The following CDH15 variants were observed in gnomAD, a reference collection of about 807,000 sequenced individuals.
The protein encoded by CDH15 is cadherin 15.
Under a neutral mutation model 69.4 loss-of-function variants are expected in CDH15, and 73 were observed. That is an observed-to-expected ratio of 1.05 (90% CI 0.87 to 1.28). CDH15 has a LOEUF of 1.28. Ranked by LOEUF, CDH15 falls within the 50% of genes most tolerant of loss-of-function variation. CDH15 has a pLI of 0.00. For synonymous variants in CDH15, 624 were observed against 507.7 expected, an observed-to-expected ratio of 1.23 and a Z score of -3.08; for missense variants, 1,343 against 1,133.6, an observed-to-expected ratio of 1.18 and a Z score of -2.65.
Position 89,185,198 on chromosome 16 carries a change from C to G in CDH15, c.528C>G (p.Ala176=). Residue 176 remains alanine, a synonymous_variant, in exon 5 of 14, where the codon GCC becomes GCG. Transcript: ENST00000289746. The part of the protein sequence containing the change: ...VPGTYVTRAE[A]TDADDPETDN... ...GCACCTATGTGACCAGGGCAGAGGC[C>G]ACAGATGCCGACGACCCCGAGACGG... The G allele has an allele frequency of 6.2e-7, 1 of 1,603,202 alleles. No homozygotes were observed. The highest frequency in any genetic ancestry group is 8.5e-7 in the Non-Finnish European group (1 of 1,175,894).
In CDH15 at chr16:89,190,354, G is replaced by C. The variant is rs145156521; in HGVS notation, c.1090G>C (p.Val364Leu). 5.3e-5 allele frequency: 85 copies of C among 1,612,784 alleles called. No individual in the cohort carries two copies. The Middle Eastern group carries it at 6.6e-4, about 13-fold the overall frequency. The change falls in exon 8 of 14, where the codon GTG becomes CTG. Residue 364 changes from valine to leucine, a missense_variant. By Grantham distance (32) the Val-to-Leu change is conservative. Transcript: ENST00000289746. ...TGAGCGGGGCCAGGCCAAGGTCCGC[G>C]TGCATGTGCAGGACACCAACGAGCC... ...RAERGQAKVR[V>L]HVQDTNEPPV...
intron 5 of CDH15, chr16:89,185,647 CCTT>C (rs1238512724): frequency 6.6e-6 from 3 of 453,920 alleles, no homozygotes; most frequent in African/African-American, 4.0e-5. Flanking sequence ...GTAACTAACT[CCTT>C]CTGTCAGGGC....
At chr16:89,177,783 C>T (rs1915290698) in intron 1 of CDH15, among the ~76,000 whole-genome samples, 1 of 152,218 alleles carries the variant, frequency 6.6e-6, no homozygotes. Context: ...GGGGTCAGCC[C>T]AGAGCCATGT....
intron 7 of CDH15, among the ~76,000 whole-genome samples, chr16:89,189,483 G>A (rs1397308356): frequency 2.6e-5 from 4 of 152,240 alleles, no homozygotes; most frequent in South Asian, 4.1e-4. Flanking sequence ...CCTTGTGTTC[G>A]TCCTTGGGTG....
chr16:89,188,968 C>T (rs1405574607), intron 7 of CDH15, among the ~76,000 whole-genome samples: 2 of 146,598 alleles, frequency 1.4e-5, no homozygotes, highest in African/African-American at 5.1e-5. Context: ...GATGCTGGCA[C>T]ACATAGATGC....
intron 1 of CDH15, among the ~76,000 whole-genome samples, chr16:89,177,971 GTGGGGCCGGGC>G (rs1000821703): frequency 6.6e-6 from 1 of 152,190 alleles, no homozygotes; most frequent in African/African-American, 2.4e-5. Context: ...TTTGACCAAG[GTGGGGCCGGGC>G]ACCCCAGGAG....
chr16:89,176,687 C>A (rs1354375773), intron 1 of CDH15, among the ~76,000 whole-genome samples: 1 of 149,880 alleles, frequency 6.7e-6, no homozygotes, highest in African/African-American at 2.5e-5. Flanking sequence ...GATGAAGGAG[C>A]TCAGGAGCAG....
intron 11 of CDH15, 24 bp from the exon 12 acceptor site, chr16:89,193,446 A>G (rs764219553): frequency 6.9e-7 from 1 of 1,443,544 alleles, no homozygotes; most frequent in South Asian, 1.2e-5. Flanking sequence ...GCCTGGCCCC[A>G]GCCTGCGTCC....
At chr16:89,176,649 C>G (rs1915262520) in intron 1 of CDH15, among the ~76,000 whole-genome samples, 1 of 152,180 alleles carries the variant, frequency 6.6e-6, no homozygotes, top group Non-Finnish European at 1.5e-5. Flanking sequence ...CCGTGAGCCT[C>G]CCTAGACCCC....
At chr16:89,191,494 G>A (rs758602653) in intron 9 of CDH15, 22 bp downstream of exon 9, 1 of 1,610,504 alleles carries the variant, frequency 6.2e-7, no homozygotes, top group South Asian at 1.1e-5. Flanking sequence ...CGCCGGCTTG[G>A]GGCTCCCTGA....
At chr16:89,174,154 C>A (rs1915211239) in intron 1 of CDH15, among the ~76,000 whole-genome samples, 1 of 152,228 alleles carries the variant, frequency 6.6e-6, no homozygotes, top group Non-Finnish European at 1.5e-5. Context: ...GCCTCTTCTT[C>A]CACATCCCTT....
rs1915636440 is a variant in CDH15 at position 89,191,383 on chromosome 16, G to A, written c.1286G>A (p.Gly429Asp). Residue 429 changes from glycine to aspartate, a missense_variant, in exon 9 of 14, where the codon GGC (glycine) becomes GAC (aspartate). Physicochemically the swap from Gly to Asp is moderately conservative, Grantham distance 94. Coordinates refer to ENST00000289746, the MANE Select transcript of CDH15 (RefSeq NM_004933.3). ...EDWLQVDAATGRIQTQHVLSP... is the reference protein window; with the variant it reads ...EDWLQVDAATDRIQTQHVLSP... ...TGGCTGCAAGTGGACGCAGCCACTG[G>A]CCGGATCCAGACCCAGCACGTGCTC... 1 of 1,612,806 alleles carries A rather than the reference G, an allele frequency of 6.2e-7. No homozygotes were observed.
At chr16:89,184,417 C>G (rs902034145) in intron 4 of CDH15, among the ~76,000 whole-genome samples, 2 of 152,146 alleles carry the variant, frequency 1.3e-5, no homozygotes, top group Non-Finnish European at 2.9e-5. Context: ...AGGGGTCAGG[C>G]CTAAATCTCA....
rs780518523 is a variant in CDH15 at position 89,188,197 on chromosome 16, G to C, written c.890G>C (p.Arg297Thr). The C allele has an allele frequency of 8.1e-6, 13 of 1,613,382 alleles. No homozygotes were observed. The highest frequency in any genetic ancestry group is 2.5e-6 in the Non-Finnish European group (3 of 1,179,896). ...DLPGSPNWVA[R>T]FTILEGDPDG... Reference sequence around the variant, plus strand: ...CCAGGCTCCCCAAACTGGGTGGCCAGGTTCACCATCCTGGAAGGCGACCCC... The same window carrying C: ...CCAGGCTCCCCAAACTGGGTGGCCACGTTCACCATCCTGGAAGGCGACCCC... The change falls in exon 7 of 14, where the codon AGG becomes ACG. Residue 297 changes from arginine (R) to threonine (T), a missense_variant. Coordinates refer to ENST00000289746, the MANE Select transcript of CDH15 (RefSeq NM_004933.3).
At chr16:89,179,936 C>G (rs1266193597) in intron 2 of CDH15, among the ~76,000 whole-genome samples, 1 of 152,220 alleles carries the variant, frequency 6.6e-6, no homozygotes, top group East Asian at 1.9e-4. Context: ...GCTTCACATA[C>G]CCAAAATCGC....
Position 89,191,884 on chromosome 16 carries a change from C to T in CDH15, c.1605C>T (p.Ser535=), listed in dbSNP as rs1241595008. ...AGCTCGGCCGGAACTGGAGCCTCAG[C>T]CAGGTCAACGGTGCGCTCCCCTCAC... is the stretch of plus-strand genomic sequence containing the variant. ...LPELGRNWSL[S]QVNVSHARLR... is the part of the protein sequence containing the mutation. The change falls in exon 10 of 14, where the codon AGC becomes AGT. Residue 535 remains serine (S), a synonymous_variant. Transcript: ENST00000289746. The T allele has an allele frequency of 3.1e-5, 49 of 1,579,758 alleles. No homozygotes were observed. The highest frequency in any genetic ancestry group is 4.2e-5 in the Non-Finnish European group (49 of 1,169,578).
At position 89,194,928 on chromosome 16, in the gene CDH15, G is replaced by C. The variant is rs139669848; in HGVS notation, c.2218G>C (p.Glu740Gln). ...PYDTALIYDY[E>Q]GDGSVAGTLS... ...CGACACAGCCCTCATCTATGACTACGAGGGTGACGGCTCGGTGGCGGGGAC... is the reference window on the plus strand; with the variant it reads ...CGACACAGCCCTCATCTATGACTACCAGGGTGACGGCTCGGTGGCGGGGAC... The change falls in exon 14 of 14, where the codon GAG becomes CAG. Residue 740 changes from glutamate to glutamine, a missense_variant. Physicochemically the swap from Glu to Gln is conservative, Grantham distance 29 (BLOSUM62 2). Transcript: ENST00000289746. 3 of 1,608,718 alleles carry C rather than the reference G, an allele frequency of 1.9e-6. No homozygotes were observed. The highest frequency in any genetic ancestry group is 4.5e-5 in the East Asian group (2 of 44,824).
Position 89,187,435 on chromosome 16 carries a change from G to C in CDH15, c.670G>C (p.Ala224Pro). The C allele has an allele frequency of 6.2e-7, 1 of 1,612,956 alleles. No homozygotes were observed. The highest frequency in any genetic ancestry group is 8.5e-7 in the Non-Finnish European group (1 of 1,179,978). The change falls in exon 6 of 14, where the codon GCG becomes CCG. Residue 224 changes from alanine (A) to proline (P), a missense_variant. Transcript: ENST00000289746. ...VQVGLDREVV[A>P]VYNLTLQVAD... The stretch of plus-strand genomic sequence containing the variant: ...CTGTGCCCCACATCCCCAGGTGGTC[G>C]CGGTGTACAATCTGACCCTGCAGGT...
At position 89,195,328 on chromosome 16, in the gene CDH15, G is replaced by A; in HGVS notation, c.*173G>A. The A allele has an allele frequency of 6.0e-6, 4 of 669,394 alleles. No homozygotes were observed. Among genetic ancestry groups the A allele is most frequent in the Non-Finnish European group, 9.8e-6 (4 of 406,860 alleles). The allele number at this position is 669,394 out of a possible 1,614,324, so 41.5% of individuals were successfully genotyped here. ...TGAGTGTGGATGGGGCGGCCAGGAA[G>A]AGGCCCCTTCCTGCCGGGGTGGGAA... On this transcript the variant is annotated 3_prime_UTR_variant, in exon 14 of 14. Transcript: ENST00000289746.
Sources: allele counts gnomAD v4.1 joint callset (sites outside exome capture counted in the v4.1 genomes callset), GRCh38; gene constraint gnomAD v4.1.1; transcripts MANE v1.5; gene names NCBI Gene and HGNC (gene_info 2026-07-23, HGNC 2026-07-21).